Variants in TRDN observed in about 807,000 individuals in gnomAD.
TRDN encodes the protein triadin.
Under a neutral mutation model 149.7 loss-of-function variants are expected in TRDN, and 161 were observed. That is an observed-to-expected ratio of 1.08 (90% CI 0.95 to 1.23). The LOEUF (loss-of-function observed/expected upper bound fraction) is 1.23, where lower values mean the gene tolerates loss of function less well. Ranked by LOEUF, TRDN falls within the 50% of genes most tolerant of loss-of-function variation. The probability of loss-of-function intolerance (pLI) is 0.00; values close to 1 mark genes in which losing one functional copy is unlikely to be tolerated. For synonymous variants in TRDN, 294 were observed against 250.5 expected (o/e 1.17, Z -1.64); for missense variants, 896 against 823.5 (o/e 1.09, Z -1.08).
intron 38 of TRDN, among the ~76,000 whole-genome samples, chr6:123,246,644 G>C (rs144219379): frequency 0.018 from 2,702 of 151,950 alleles, 180 homozygotes; most frequent in Admixed American, 0.14. Flanking sequence ...TCACAGCCAA[G>C]TTCTACCAGA....
intron 1 of TRDN, among the ~76,000 whole-genome samples, chr6:123,619,956 A>G (rs565879108): frequency 6.6e-6 from 1 of 152,180 alleles, no homozygotes; most frequent in East Asian, 1.9e-4. Flanking sequence ...TGACCTCCAC[A>G]CACTTTTGCT....
intron 38 of TRDN, among the ~76,000 whole-genome samples, chr6:123,226,146 T>G (rs1295568769): frequency 1.3e-5 from 2 of 151,834 alleles, no homozygotes; most frequent in Non-Finnish European, 2.9e-5. Flanking sequence ...AAATAATATT[T>G]AAACATAGGT....
intron 13 of TRDN, among the ~76,000 whole-genome samples, chr6:123,391,678 A>T (rs1772475649): frequency 6.6e-6 from 1 of 152,020 alleles, no homozygotes. Context: ...GTTATAAATA[A>T]ATATGAACAT....
intron 37 of TRDN, among the ~76,000 whole-genome samples, chr6:123,254,014 C>T (rs1776466779): frequency 6.6e-6 from 1 of 152,180 alleles, no homozygotes; most frequent in Non-Finnish European, 1.5e-5. Flanking sequence ...TATAAATACT[C>T]TTGAGATGTT....
At chr6:123,352,064 G>C (rs1780480145) in intron 21 of TRDN, 3 of 973,938 alleles carry the variant, frequency 3.1e-6, no homozygotes, top group Non-Finnish European at 3.7e-6. Context: ...TCATAATATA[G>C]TATATATCAT....
At chr6:123,269,808 T>C (rs758001415) in intron 31 of TRDN, 41 bp downstream of exon 31, 2 of 1,602,662 alleles carry the variant, frequency 1.2e-6, no homozygotes, top group Non-Finnish European at 1.7e-6. Flanking sequence ...GCTGAAATGG[T>C]CAAGCGATAT....
intron 9 of TRDN, among the ~76,000 whole-genome samples, chr6:123,482,632 T>G: frequency 6.6e-6 from 1 of 152,230 alleles, no homozygotes; most frequent in East Asian, 1.9e-4. Context: ...GGTCTACATC[T>G]TAATGCAACC....
chr6:123,401,304 G>C (rs1772961008), intron 12 of TRDN, among the ~76,000 whole-genome samples: 1 of 152,160 alleles, frequency 6.6e-6, no homozygotes, highest in African/African-American at 2.4e-5. Flanking sequence ...CCTGAATGGA[G>C]AATTCTAAAT....
chr6:123,499,562 G>T (rs1334894932), intron 8 of TRDN, among the ~76,000 whole-genome samples: 1 of 150,060 alleles, frequency 6.7e-6, no homozygotes, highest in Non-Finnish European at 1.5e-5. Context: ...AAATTAGCTG[G>T]GCATGGTGGA....
rs1452562225 is a variant in TRDN at position 123,217,591 on chromosome 6, T to C, written c.*1010A>G. Reference sequence around the variant, plus strand: ...TTGTTATCCATGTCATTGGCACTGATGACCAGTTACCTAAAATACAAGTAA... The same window carrying C: ...TTGTTATCCATGTCATTGGCACTGACGACCAGTTACCTAAAATACAAGTAA... On this transcript the variant is annotated 3_prime_UTR_variant, in exon 41 of 41. Transcript: ENST00000334268. 6.6e-6 allele frequency: 1 copy of C among 151,988 alleles called. No homozygotes were observed. 9.4% of individuals were successfully genotyped at this position (151,988 alleles called of 1,614,324 possible). A position where few individuals can be genotyped will look rare whatever the true frequency, so the allele number is the denominator to read the frequency against.
intron 5 of TRDN, chr6:123,528,792 T>C: frequency 1.0e-6 from 1 of 995,208 alleles, no homozygotes. Flanking sequence ...CTTTTGTTCA[T>C]ATTCACACAG....
intron 19 of TRDN, among the ~76,000 whole-genome samples, chr6:123,368,189 T>C (rs1225252043): frequency 6.6e-6 from 1 of 152,182 alleles, no homozygotes; most frequent in East Asian, 1.9e-4. Flanking sequence ...CATATTTATA[T>C]CCTCTTTGTT....
intron 25 of TRDN, 147 bp from the exon 26 acceptor site, chr6:123,278,494 T>A (rs1438203978): frequency 2.1e-6 from 1 of 477,368 alleles, no homozygotes; most frequent in Non-Finnish European, 3.3e-6. Flanking sequence ...TCATGTCATA[T>A]TAACCATATT....
At chr6:123,314,861 A>C (rs1323369501) in intron 24 of TRDN, among the ~76,000 whole-genome samples, 1 of 151,930 alleles carries the variant, frequency 6.6e-6, no homozygotes, top group Non-Finnish European at 1.5e-5. Context: ...GGGTGGGAGG[A>C]GGGAGATGAT....
chr6:123,451,125 C>A (rs1325164960), intron 10 of TRDN, among the ~76,000 whole-genome samples: 1 of 152,024 alleles, frequency 6.6e-6, no homozygotes, highest in Non-Finnish European at 1.5e-5. Flanking sequence ...GTTCATGGCC[C>A]TAAATGCCTA....
At chr6:123,567,394 T>A (rs1201347598) in intron 2 of TRDN, among the ~76,000 whole-genome samples, 1 of 152,178 alleles carries the variant, frequency 6.6e-6, no homozygotes. Context: ...GTCAACTCAA[T>A]CACACCTTGT....
chr6:123,279,636 C>T (rs1777512738), intron 24 of TRDN, among the ~76,000 whole-genome samples: 2 of 152,018 alleles, frequency 1.3e-5, no homozygotes, highest in Non-Finnish European at 2.9e-5. Context: ...ACTCCCACTT[C>T]ATCATTAATT....
intron 2 of TRDN, among the ~76,000 whole-genome samples, chr6:123,566,896 G>A (rs1782322455): frequency 6.6e-6 from 1 of 152,106 alleles, no homozygotes. Context: ...AGTTAACAAT[G>A]TACAAGTGTA....
At chr6:123,604,771 G>A (rs951968309) in intron 1 of TRDN, among the ~76,000 whole-genome samples, 3 of 152,000 alleles carry the variant, frequency 2.0e-5, no homozygotes, top group Admixed American at 6.6e-5. Flanking sequence ...GATAAATCGA[G>A]GGTGGGGAAG....
Sources: gnomAD v4.1 joint callset for allele counts (sites outside exome capture counted in the v4.1 genomes callset) on GRCh38, gnomAD v4.1.1 for gene constraint, MANE v1.5 for transcripts, NCBI Gene and HGNC (gene_info 2026-07-23, HGNC 2026-07-21) for gene names.